The following AAK1 variants were observed in gnomAD, a reference collection of about 807,000 sequenced individuals.
AAK1 encodes the protein AP2-associated protein kinase 1.
In AAK1, 37 loss-of-function variants were observed where a neutral mutation model predicts 116.0. The ratio of observed to expected loss-of-function variants is 0.32; its 90% CI spans 0.25 to 0.42. The LOEUF (loss-of-function observed/expected upper bound fraction) is 0.42, where lower values mean the gene tolerates loss of function less well. AAK1 is among the 10% of genes least tolerant of loss of function. The probability of loss-of-function intolerance (pLI) is 1.00; values close to 1 mark genes in which losing one functional copy is unlikely to be tolerated. For synonymous variants in AAK1, 458 were observed against 439.9 expected, an observed-to-expected ratio of 1.04 and a Z score of -0.51; for missense variants, 919 against 1,170.6, an observed-to-expected ratio of 0.79 and a Z score of 3.14.
intron 4 of AAK1, among the ~76,000 whole-genome samples, 181 bp from the exon 5 acceptor site, chr2:69,542,846 T>TA (rs1670776806): frequency 6.6e-6 from 1 of 152,222 alleles, no homozygotes; most frequent in Non-Finnish European, 1.5e-5. Context: ...TGTTTTCTTA[T>TA]AATTCAGTGT....
At chr2:69,525,244 C>A in intron 9 of AAK1, 132 bp from the exon 10 acceptor site, 1 of 804,912 alleles carries the variant, frequency 1.2e-6, no homozygotes, top group East Asian at 2.7e-5. Flanking sequence ...AGCTTCCAGG[C>A]CCTGAGCTCT....
At chr2:69,587,338 TGCACACACACATATATACACATATGC>T (rs1558982574) in intron 2 of AAK1, among the ~76,000 whole-genome samples, 1 of 149,912 alleles carries the variant, frequency 6.7e-6, no homozygotes, top group African/African-American at 2.5e-5. Context: ...CACATATGCG[TGCACACACACATATATACACATATGC>T]GTGTACACAC....
chr2:69,643,710 A>G lies in AAK1; in HGVS notation c.-370T>C. On this transcript the variant is annotated 5_prime_UTR_variant, in exon 1 of 22. Coordinates refer to ENST00000409085, the MANE Select transcript of AAK1 (RefSeq NM_014911.5). ...CGCGCTCGGCTCCCGCCCGCCCGCC[A>G]GCTGATCCCGGGAGCGCCGGGCGGA... 8.2e-7 allele frequency: 1 copy of G among 1,215,028 alleles called. No homozygotes were observed. The highest frequency in any genetic ancestry group is 1.0e-6 in the Non-Finnish European group (1 of 977,380). The allele number at this position is 1,215,028 out of a possible 1,614,324, so 75.3% of individuals were successfully genotyped here.
At chr2:69,640,504 C>A (rs1242826256) in intron 2 of AAK1, among the ~76,000 whole-genome samples, 1 of 152,204 alleles carries the variant, frequency 6.6e-6, no homozygotes, top group African/African-American at 2.4e-5. Flanking sequence ...TATGCCTCAT[C>A]TTCCCAAATT....
chr2:69,545,853 G>A (rs760485461), intron 3 of AAK1, among the ~76,000 whole-genome samples: 2 of 152,186 alleles, frequency 1.3e-5, no homozygotes, highest in African/African-American at 2.4e-5. Context: ...GACTTGCAAT[G>A]AATGAGAGTT....
intron 2 of AAK1, among the ~76,000 whole-genome samples, chr2:69,560,645 ATTTT>A (rs201310365): frequency 6.6e-6 from 1 of 151,854 alleles, no homozygotes; most frequent in African/African-American, 2.4e-5. Flanking sequence ...AATATGTAGG[ATTTT>A]TTTTTATGTC....
Position 69,509,371 on chromosome 2 carries a change from G to C in AAK1, c.1866C>G (p.Pro622=). 1 of 1,614,022 alleles carries C rather than the reference G, an allele frequency of 6.2e-7. No homozygotes were observed. Among genetic ancestry groups the C allele is most frequent in the African/African-American group, 1.3e-5 (1 of 75,052 alleles). ...CAGCACGTTGGGTTTTGGGGGATGA[G>C]GGTGGAGTGAGAGATCCAACTTTCT... ...QGQKVGSLTP[P]SSPKTQRAGH... is the part of the protein sequence containing the mutation. Residue 622 remains proline, a synonymous_variant, in exon 14 of 22, where the codon CCC becomes CCG. Transcript: ENST00000409085.
chr2:69,482,378 C>A, intron 18 of AAK1: 2 of 517,488 alleles, frequency 3.9e-6, no homozygotes, highest in Non-Finnish European at 3.4e-6. Flanking sequence ...AAAGAAGAAT[C>A]TGCTAAATTT....
intron 13 of AAK1, among the ~76,000 whole-genome samples, chr2:69,512,287 A>G (rs78098798): frequency 0.02 from 3,092 of 152,330 alleles, 97 homozygotes; most frequent in African/African-American, 0.071. Context: ...CCATCACTCT[A>G]ATACAACTAG....
At chr2:69,514,277 A>T (rs1244270922) in intron 13 of AAK1, among the ~76,000 whole-genome samples, 194 bp downstream of exon 13, 1 of 152,154 alleles carries the variant, frequency 6.6e-6, no homozygotes, top group African/African-American at 2.4e-5. Context: ...ATCCTTTTTT[A>T]AAAAAACCTC....
intron 2 of AAK1, among the ~76,000 whole-genome samples, chr2:69,596,499 G>C (rs1673293328): frequency 6.6e-6 from 1 of 152,170 alleles, no homozygotes; most frequent in Admixed American, 6.5e-5. Context: ...TGGAATTACA[G>C]GTGTGGGCCA....
intron 2 of AAK1, among the ~76,000 whole-genome samples, chr2:69,588,841 C>T (rs1191672808): frequency 1.3e-5 from 2 of 152,118 alleles, no homozygotes; most frequent in African/African-American, 4.8e-5. Context: ...TATCCCAGTA[C>T]ATTATGTAGG....
intron 2 of AAK1, among the ~76,000 whole-genome samples, chr2:69,617,891 G>A (rs1674413839): frequency 6.6e-6 from 1 of 152,182 alleles, no homozygotes; most frequent in Non-Finnish European, 1.5e-5. Context: ...CAAAGATTAG[G>A]CTTTTTGGCT....
chr2:69,598,260 T>G, intron 2 of AAK1: 1 of 409,750 alleles, frequency 2.4e-6, no homozygotes, highest in Non-Finnish European at 4.3e-6. Context: ...TTTTCACAGG[T>G]TATCCTCTGA....
At chr2:69,634,602 T>C (rs1271956593) in intron 2 of AAK1, among the ~76,000 whole-genome samples, 1 of 152,204 alleles carries the variant, frequency 6.6e-6, no homozygotes, top group Non-Finnish European at 1.5e-5. Context: ...AAGAAACAAC[T>C]GAACCCCAAA....
chr2:69,506,006 A>G (rs1676170942), intron 15 of AAK1, among the ~76,000 whole-genome samples: 1 of 152,182 alleles, frequency 6.6e-6, no homozygotes, highest in African/African-American at 2.4e-5. Context: ...CTTGTAATCT[A>G]TTCACTTTAT....
At chr2:69,529,843 A>T (rs1238237662) in intron 8 of AAK1, among the ~76,000 whole-genome samples, 165 bp downstream of exon 8, 2 of 151,826 alleles carry the variant, frequency 1.3e-5, no homozygotes, top group African/African-American at 4.8e-5. Context: ...AAGACCCACC[A>T]CTCTAACTAG....
At chr2:69,483,648 G>C (rs1675181963) in intron 17 of AAK1, among the ~76,000 whole-genome samples, 1 of 152,128 alleles carries the variant, frequency 6.6e-6, no homozygotes. Context: ...AACTCACCAA[G>C]ATAATCAATT....
chr2:69,516,600 A>AG (rs1676590760), intron 12 of AAK1, among the ~76,000 whole-genome samples: 1 of 152,228 alleles, frequency 6.6e-6, no homozygotes. Flanking sequence ...ATGATCCTAG[A>AG]GGGCAGCATG....
Sources: gnomAD v4.1 joint callset for allele counts (sites outside exome capture counted in the v4.1 genomes callset) on GRCh38, gnomAD v4.1.1 for gene constraint, MANE v1.5 for transcripts, NCBI Gene and HGNC (gene_info 2026-07-23, HGNC 2026-07-21) for gene names.